SLC41A2: variants seen among roughly 807,000 people sequenced by gnomAD.
SLC41A2 encodes the protein solute carrier family 41 member 2, also known as SLC41A1-like 1.
In SLC41A2, 32 loss-of-function variants were observed where a neutral mutation model predicts 58.3. The ratio of observed to expected loss-of-function variants is 0.55; its 90% CI spans 0.41 to 0.74. SLC41A2 has a LOEUF of 0.74. Among genes scored for constraint, SLC41A2 ranks in the 30% least tolerant of loss-of-function variants. The pLI, the probability that SLC41A2 is intolerant of heterozygous loss-of-function variation, is 0.00. For missense variants in SLC41A2, 514 were observed against 680.6 expected (o/e 0.76, Z 2.72); for synonymous variants, 190 against 235.0 (o/e 0.81, Z 1.75).
intron 10 of SLC41A2, among the ~76,000 whole-genome samples, chr12:104,828,651 C>T (rs1384229116): frequency 6.6e-6 from 1 of 152,062 alleles, no homozygotes; most frequent in Non-Finnish European, 1.5e-5. Context: ...ATCACATGCC[C>T]TGTGAGGGGG....
At chr12:104,929,750 T>C (rs569625975) in intron 1 of SLC41A2, among the ~76,000 whole-genome samples, 1 of 152,250 alleles carries the variant, frequency 6.6e-6, no homozygotes, top group Non-Finnish European at 1.5e-5. Flanking sequence ...AAAATGGCAC[T>C]GATTTGATAA....
intron 1 of SLC41A2, among the ~76,000 whole-genome samples, chr12:104,934,106 TG>T (rs2047173230): frequency 1.3e-5 from 2 of 152,100 alleles, no homozygotes; most frequent in African/African-American, 4.8e-5. Flanking sequence ...CGATTTAAAA[TG>T]GGCATTGTGC....
chr12:104,874,729 T>C (rs947538482), intron 6 of SLC41A2, among the ~76,000 whole-genome samples: 2 of 152,234 alleles, frequency 1.3e-5, no homozygotes, highest in Admixed American at 1.3e-4. Flanking sequence ...GCCAGTACTA[T>C]ACTGCTTTGA....
Position 104,861,278 on chromosome 12 carries a change from A to G in SLC41A2, c.1255+13T>C, listed in dbSNP as rs927643162. The stretch of plus-strand genomic sequence containing the variant: ...ATTTGATATTATCATGAAACAGTAT[A>G]TCTAATTCTTACCATTAATAACTGG... On this transcript the variant is annotated intron_variant, in intron 8 of 10. Coordinates refer to ENST00000258538, the MANE Select transcript of SLC41A2 (RefSeq NM_001352171.3). 4 of 1,576,690 alleles carry G rather than the reference A, an allele frequency of 2.5e-6. No individual in the cohort carries two copies. The highest frequency in any genetic ancestry group is 2.2e-5 in the East Asian group (1 of 44,634).
intron 4 of SLC41A2, among the ~76,000 whole-genome samples, chr12:104,892,248 A>G (rs1227420682): frequency 6.6e-6 from 1 of 151,322 alleles, no homozygotes; most frequent in African/African-American, 2.4e-5. Flanking sequence ...AGATCACGCC[A>G]TTGCACTCTA....
At chr12:104,920,398 A>G (rs1253848387) in intron 2 of SLC41A2, among the ~76,000 whole-genome samples, 1 of 152,120 alleles carries the variant, frequency 6.6e-6, no homozygotes, top group East Asian at 1.9e-4. Context: ...GCAGAAATTT[A>G]TCAGAGAAAT....
chr12:104,871,903 A>T (rs1247505171), intron 6 of SLC41A2, among the ~76,000 whole-genome samples: 2 of 152,240 alleles, frequency 1.3e-5, no homozygotes, highest in African/African-American at 4.8e-5. Context: ...AGCTATAATG[A>T]CCAGCCACAC....
intron 1 of SLC41A2, among the ~76,000 whole-genome samples, chr12:104,952,768 GA>G (rs936031093): frequency 3.3e-5 from 5 of 151,876 alleles, no homozygotes; most frequent in Admixed American, 3.3e-4. Context: ...TGCAGTTAAA[GA>G]AAAAAAATGT....
chr12:104,808,324 T>C (rs1377405088), intron 10 of SLC41A2, among the ~76,000 whole-genome samples: 1 of 152,224 alleles, frequency 6.6e-6, no homozygotes, highest in African/African-American at 2.4e-5. Context: ...ATTGAGATAA[T>C]CATGTGGTTT....
At chr12:104,931,863 T>C (rs947764924) in intron 1 of SLC41A2, 1 of 152,250 alleles carries the variant, frequency 6.6e-6, no homozygotes, top group Non-Finnish European at 1.5e-5. Context: ...CTATACCATT[T>C]AGTTAAAACC....
At chr12:104,955,069 G>A (rs547948092) in intron 1 of SLC41A2, among the ~76,000 whole-genome samples, 1 of 136,604 alleles carries the variant, frequency 7.3e-6, no homozygotes, top group South Asian at 2.3e-4. Context: ...GCTCTGTGCA[G>A]TGGCGTGATC....
intron 2 of SLC41A2, 26 bp downstream of exon 2, chr12:104,927,947 A>G: frequency 6.6e-7 from 1 of 1,519,652 alleles, no homozygotes; most frequent in Non-Finnish European, 8.8e-7. Flanking sequence ...AAAAGACAGT[A>G]AAGTTAAATA....
chr12:104,823,724 A>G (rs578026845), intron 10 of SLC41A2, among the ~76,000 whole-genome samples: 130 of 152,322 alleles, frequency 8.5e-4, no homozygotes, highest in African/African-American at 3.0e-3. Context: ...TTCTTAGGAT[A>G]TGAAAAGCAC....
chr12:104,931,647 G>A (rs1380202995), intron 1 of SLC41A2: 2 of 152,146 alleles, frequency 1.3e-5, no homozygotes, highest in Non-Finnish European at 2.9e-5. Flanking sequence ...TATTTCAGAG[G>A]GGAAGGCCTT....
intron 7 of SLC41A2, among the ~76,000 whole-genome samples, chr12:104,865,700 A>G (rs542353117): frequency 2.6e-5 from 4 of 152,080 alleles, no homozygotes; most frequent in Non-Finnish European, 5.9e-5. Context: ...TAGTAATTTC[A>G]GGAAGGAAAA....
chr12:104,823,867 A>AT (rs945886370), intron 10 of SLC41A2, among the ~76,000 whole-genome samples: 1 of 152,208 alleles, frequency 6.6e-6, no homozygotes, highest in Non-Finnish European at 1.5e-5. Context: ...AGTTAATAAA[A>AT]TTATATTGTA....
chr12:104,805,368 T>G, intron 10 of SLC41A2, 31 bp from the exon 11 acceptor site: 1 of 1,586,356 alleles, frequency 6.3e-7, no homozygotes, highest in African/African-American at 1.3e-5. Context: ...TTACTCCGGC[T>G]GCCTGGACAT....
At chr12:104,828,479 G>A (rs556573317) in intron 10 of SLC41A2, among the ~76,000 whole-genome samples, 21 of 152,294 alleles carry the variant, frequency 1.4e-4, no homozygotes, top group African/African-American at 4.1e-4. Flanking sequence ...TCTACGGATA[G>A]CTAAACTAAA....
intron 3 of SLC41A2, among the ~76,000 whole-genome samples, chr12:104,896,572 G>T (rs2045291166): frequency 6.6e-6 from 1 of 152,126 alleles, no homozygotes; most frequent in Non-Finnish European, 1.5e-5. Context: ...ATAACTCTTA[G>T]AAAGATGTCT....
Sources: allele counts gnomAD v4.1 joint callset (sites outside exome capture counted in the v4.1 genomes callset), GRCh38; gene constraint gnomAD v4.1.1; transcripts MANE v1.5; gene names NCBI Gene and HGNC (gene_info 2026-07-23, HGNC 2026-07-21).